The following ZBTB1 variants were observed in gnomAD, a reference collection of about 807,000 sequenced individuals.
ZBTB1 encodes zinc finger and BTB domain-containing protein 1.
Under a neutral mutation model 51.6 loss-of-function variants are expected in ZBTB1, and 13 were observed. That is an observed-to-expected ratio of 0.25 (90% confidence interval 0.16 to 0.40). ZBTB1 has a LOEUF of 0.40. Among genes scored for constraint, ZBTB1 ranks in the 10% least tolerant of loss-of-function variants. The pLI is 1.00. For missense variants in ZBTB1, 567 were observed against 856.5 expected (o/e 0.66, Z 4.22); for synonymous variants, 240 against 282.2 (o/e 0.85, Z 1.50).
downstream of ZBTB1, chr14:64,525,062 A>AT (rs1220032633): frequency 4.8e-6 from 2 of 419,278 alleles, no homozygotes; most frequent in East Asian, 1.6e-4. Flanking sequence ...CACTAATAGC[A>AT]TTGCTCTTTT....
chr14:64,520,601 C>T (rs2079850420), intron 1 of ZBTB1, among the ~76,000 whole-genome samples: 1 of 152,078 alleles, frequency 6.6e-6, no homozygotes, highest in South Asian at 2.1e-4. Flanking sequence ...TCATCTATTG[C>T]TCCCCACACC....
rs755725866 is a variant in ZBTB1 at position 64,522,954 on chromosome 14, A to C, written c.1450A>C (p.Thr484Pro). 6 of 1,614,238 alleles carry C rather than the reference A, an allele frequency of 3.7e-6. No individual in the cohort carries two copies. The South Asian group carries it at 6.6e-5, about 18-fold the overall frequency. ...QDLTMNGLGN[T>P]EEKMDLEENP... ...TCTGACCATGAATGGGTTAGGAAATACTGAGGAGAAAATGGACTTGGAAGA... is the reference window on the plus strand; with the variant it reads ...TCTGACCATGAATGGGTTAGGAAATCCTGAGGAGAAAATGGACTTGGAAGA... The change falls in exon 2 of 2, where the codon ACT becomes CCT. Residue 484 changes from threonine to proline, a missense_variant. Thr to Pro is a conservative substitution (Grantham distance 38). Coordinates refer to ENST00000683701, the MANE Select transcript of ZBTB1 (RefSeq NM_001123329.2).
chr14:64,517,645 G>A (rs1165710657), intron 1 of ZBTB1, among the ~76,000 whole-genome samples: 1 of 150,686 alleles, frequency 6.6e-6, no homozygotes, highest in Admixed American at 6.6e-5. Context: ...TTTGAATAAG[G>A]TTGTGGCGTG....
At chr14:64,531,052 G>A (rs2079938489) in intron 2 of ZBTB1, among the ~76,000 whole-genome samples, 2 of 152,116 alleles carry the variant, frequency 1.3e-5, no homozygotes, top group South Asian at 2.1e-4. Flanking sequence ...TCTCCTATTT[G>A]AGGAAGGAAC....
chr14:64,512,116 A>G (rs922606210), intron 1 of ZBTB1, among the ~76,000 whole-genome samples: 2 of 152,208 alleles, frequency 1.3e-5, no homozygotes, highest in African/African-American at 4.8e-5. Flanking sequence ...TTTAAATTGT[A>G]CTGTGCTTGG....
chr14:64,530,661 A>G (rs776067600), intron 2 of ZBTB1, among the ~76,000 whole-genome samples: 3 of 152,262 alleles, frequency 2.0e-5, no homozygotes, highest in East Asian at 1.9e-4. Flanking sequence ...ATTTATATGC[A>G]CACAATTGGT....
In ZBTB1 at chr14:64,524,261, A is replaced by G; in HGVS notation, c.*615A>G. The G allele has an allele frequency of 3.1e-6, 3 of 958,684 alleles. No homozygotes were observed. Among genetic ancestry groups the G allele is most frequent in the Non-Finnish European group, 3.7e-6 (3 of 805,814 alleles). 59.4% of individuals were successfully genotyped at this position (958,684 alleles called of 1,614,324 possible). ...AACCTGAGGAAATTTTTATAAATGA[A>G]TATTTCCTATAATTGATAAAATATT... is the stretch of plus-strand genomic sequence containing the variant. On this transcript the variant is annotated 3_prime_UTR_variant, in exon 2 of 2. Coordinates refer to ENST00000683701, the MANE Select transcript of ZBTB1 (RefSeq NM_001123329.2).
upstream of ZBTB1, chr14:64,504,727 G>A (rs542469968): frequency 2.7e-6 from 1 of 374,026 alleles, no homozygotes; most frequent in Non-Finnish European, 4.8e-6. Context: ...GGCCGGCTCA[G>A]TGCGGTGCGG....
Position 64,523,774 on chromosome 14 carries a change from T to G in ZBTB1, c.*128T>G. Reference sequence around the variant, plus strand: ...ACAAATTTCAAGGCCCTTTTAACTTTAATATTTTTGTTTAGGATTTTAAGT... The same window carrying G: ...ACAAATTTCAAGGCCCTTTTAACTTGAATATTTTTGTTTAGGATTTTAAGT... On this transcript the variant is annotated 3_prime_UTR_variant, in exon 2 of 2. Transcript: ENST00000683701. This position sits in a 1 kb window ranked among gnomAD's most constrained non-coding sequence, Gnocchi z 4.5. The G allele has an allele frequency of 2.2e-6, 3 of 1,366,050 alleles. No individual in the cohort carries two copies. The highest frequency in any genetic ancestry group is 2.8e-6 in the Non-Finnish European group (3 of 1,055,630). The allele number at this position is 1,366,050 out of a possible 1,614,324, so 84.6% of individuals were successfully genotyped here.
intron 1 of ZBTB1, chr14:64,514,012 C>T (rs2079754056): frequency 6.6e-6 from 1 of 152,162 alleles, no homozygotes; most frequent in African/African-American, 2.4e-5. Context: ...AATTTAATCC[C>T]TCATATACAG....
chr14:64,522,021 A>G lies in ZBTB1; in HGVS notation c.517A>G (p.Arg173Gly). ...TTCAACGGTAAATACACCACATAAT[A>G]GAGAGGCTGATGAAGAGTCTTTACA... The part of the protein sequence containing the change: ...PSSTVNTPHN[R>G]EADEESLQLG... The change falls in exon 2 of 2, where the codon AGA becomes GGA. Residue 173 changes from arginine (R) to glycine (G), a missense_variant. Physicochemically the swap from Arg to Gly is moderately radical, Grantham distance 125 (BLOSUM62 -2). This residue lies in a region of ZBTB1 where 74 missense variants were observed against 74.9 expected (regional missense o/e 0.99). Coordinates refer to ENST00000683701, the MANE Select transcript of ZBTB1 (RefSeq NM_001123329.2). The G allele has an allele frequency of 1.2e-6, 2 of 1,614,262 alleles. No individual in the cohort carries two copies. Among genetic ancestry groups the G allele is most frequent in the Non-Finnish European group, 1.7e-6 (2 of 1,180,038 alleles).
Position 64,524,703 on chromosome 14 carries a change from C to G in ZBTB1, c.*1057C>G. 2.0e-6 allele frequency: 2 copies of G among 984,870 alleles called. No individual in the cohort carries two copies. The highest frequency in any genetic ancestry group is 2.4e-6 in the Non-Finnish European group (2 of 829,568). 61.0% of individuals were successfully genotyped at this position (984,870 alleles called of 1,614,324 possible). ...AAAAATGTCTTGTGTTTTATACTGT[C>G]TAAGATTTGGAGGAAATGTGGCAAA... On this transcript the variant is annotated 3_prime_UTR_variant, in exon 2 of 2. Transcript: ENST00000683701.
intron 1 of ZBTB1, among the ~76,000 whole-genome samples, chr14:64,516,288 C>T (rs1221718662): frequency 1.3e-5 from 2 of 152,108 alleles, no homozygotes; most frequent in Non-Finnish European, 2.9e-5. Context: ...AAGAAAAAAG[C>T]TTTTCTGAAT....
At chr14:64,516,671 G>C (rs1177681622) in intron 1 of ZBTB1, 1 of 152,212 alleles carries the variant, frequency 6.6e-6, no homozygotes, top group Non-Finnish European at 1.5e-5. Context: ...TCTAGGAAAA[G>C]TAAAAATTCC....
Position 64,524,373 on chromosome 14 carries a change from T to C in ZBTB1, c.*727T>C. On this transcript the variant is annotated 3_prime_UTR_variant, in exon 2 of 2. Coordinates refer to ENST00000683701, the MANE Select transcript of ZBTB1 (RefSeq NM_001123329.2). ...TTGAAAAATTAGTGGGGATAAGCCA[T>C]TTTGTTTTGTGATATTAAATTTAAC... The C allele has an allele frequency of 1.1e-6, 1 of 870,518 alleles. No homozygotes were observed. The allele number at this position is 870,518 out of a possible 1,614,324, so 53.9% of individuals were successfully genotyped here. A position where few individuals can be genotyped will look rare whatever the true frequency, so the allele number is the denominator to read the frequency against.
chr14:64,503,743 G>A (rs1209475439), upstream of ZBTB1: 2 of 422,046 alleles, frequency 4.7e-6, no homozygotes, highest in Admixed American at 6.4e-5. Flanking sequence ...CAGTGGCGCC[G>A]GCTCACGCAC....
At chr14:64,505,716 T>A (rs1307560722) in intron 1 of ZBTB1, among the ~76,000 whole-genome samples, 1 of 152,254 alleles carries the variant, frequency 6.6e-6, no homozygotes, top group African/African-American at 2.4e-5. Flanking sequence ...TGACATTTTC[T>A]AAATTGGGCG....
chr14:64,530,513 G>A (rs1402554846), intron 2 of ZBTB1, among the ~76,000 whole-genome samples: 2 of 151,906 alleles, frequency 1.3e-5, no homozygotes, highest in Non-Finnish European at 2.9e-5. Flanking sequence ...AGGCTGAGGC[G>A]GGAGAACCGC....
chr14:64,523,906 AG>A lies in ZBTB1; in HGVS notation c.*261del, dbSNP rs532775045. ...TTAAAATTTTTAAATGTAGACTACA[AG>A]TGGTTGTTACCCATTCAATGACTAT... On this transcript the variant is annotated 3_prime_UTR_variant, in exon 2 of 2. Transcript: ENST00000683701. The surrounding 1 kb of genome is among the most constrained non-coding windows in gnomAD (Gnocchi z 4.5). 3.5e-5 allele frequency: 40 copies of A among 1,158,170 alleles called. No homozygotes were observed. The Middle Eastern group carries it at 1.1e-3, about 32-fold the overall frequency. 71.7% of individuals were successfully genotyped at this position (1,158,170 alleles called of 1,614,324 possible).
Sources: gnomAD v4.1 joint callset for allele counts (sites outside exome capture counted in the v4.1 genomes callset) on GRCh38, gnomAD v4.1.1 for gene constraint, gnomAD v4.1.1 regional missense constraint, Gnocchi (gnomAD v3.1) non-coding constraint, MANE v1.5 for transcripts, NCBI Gene and HGNC (gene_info 2026-07-23, HGNC 2026-07-21) for gene names.